Variants in CDC14B observed in about 807,000 individuals in gnomAD.
CDC14B encodes cell division cycle 14B.
CDC14B carries 22 observed loss-of-function variants against 64.2 expected under a neutral mutation model. The ratio of observed to expected loss-of-function variants is 0.34; its 90% confidence interval spans 0.24 to 0.49. The LOEUF is 0.49. CDC14B is among the 20% of genes least tolerant of loss of function. CDC14B has a pLI of 0.99. For synonymous variants in CDC14B, 191 were observed against 215.8 expected (o/e 0.89, Z 1.01); for missense variants, 498 against 629.9 (o/e 0.79, Z 2.24).
intron 13 of CDC14B, chr9:96,493,332 C>CA (rs1296823198): frequency 2.6e-5 from 4 of 152,392 alleles, no homozygotes; most frequent in African/African-American, 9.7e-5. Context: ...GACCGTGGCC[C>CA]ATGTGAACAG....
At chr9:96,550,329 T>C (rs931270959) in intron 5 of CDC14B, among the ~76,000 whole-genome samples, 12 of 152,238 alleles carry the variant, frequency 7.9e-5, no homozygotes, top group Non-Finnish European at 1.5e-5. Flanking sequence ...TTTCACAATT[T>C]TTCATGCAGC....
chr9:96,510,181 A>G (rs889232062), intron 12 of CDC14B, among the ~76,000 whole-genome samples: 2 of 152,342 alleles, frequency 1.3e-5, no homozygotes, highest in Admixed American at 6.5e-5. Context: ...ATAGGAACAT[A>G]AATTTAGGAA....
At chr9:96,579,788 G>A (rs774415487) in intron 1 of CDC14B, among the ~76,000 whole-genome samples, 1 of 152,066 alleles carries the variant, frequency 6.6e-6, no homozygotes, top group Admixed American at 6.6e-5. Flanking sequence ...TCTACACCAC[G>A]CAGACTATGC....
In CDC14B at chr9:96,501,630, G is replaced by A. The variant is rs1833566582; in HGVS notation, c.*2123C>T. On this transcript the variant is annotated 3_prime_UTR_variant, in exon 14 of 14. Transcript: ENST00000375241. ...CTTCACCAAATCACAAGTTTTCTAT[G>A]ACTAATTTCAGTGAACCAGTTAAAT... 6.6e-6 allele frequency: 1 copy of A among 152,560 alleles called. No homozygotes were observed. Among genetic ancestry groups the A allele is most frequent in the African/African-American group, 2.4e-5 (1 of 41,430 alleles). The allele number at this position is 152,560 out of a possible 1,614,324, so 9.5% of individuals were successfully genotyped here.
Position 96,515,024 on chromosome 9 carries a change from G to A in CDC14B, c.1344-5235C>T, listed in dbSNP as rs1835440077. The A allele has an allele frequency of 5.4e-6, 3 of 551,328 alleles. No homozygotes were observed. The highest frequency in any genetic ancestry group is 2.0e-5 in the African/African-American group (1 of 48,852). The allele number at this position is 551,328 out of a possible 1,614,324, so 34.2% of individuals were successfully genotyped here. On this transcript the variant is annotated intron_variant, in intron 12 of 13. Coordinates refer to ENST00000375241, the MANE Select transcript of CDC14B (RefSeq NM_033331.4). This position sits in a 1 kb window ranked among gnomAD's most constrained non-coding sequence, Gnocchi z 4.3. ...AATTTAAACAGGCGACCTCAGCTCC[G>A]ACCTCCTACTTTCATTTAGCATCAA...
downstream of CDC14B, chr9:96,496,454 ACTAG>A: frequency 2.3e-6 from 1 of 432,852 alleles, no homozygotes; most frequent in East Asian, 7.0e-5. Flanking sequence ...GACGGCAAGG[ACTAG>A]CTTCCTGGGC....
chr9:96,512,546 A>C, intron 12 of CDC14B, among the ~76,000 whole-genome samples: 1 of 152,078 alleles, frequency 6.6e-6, no homozygotes, highest in East Asian at 1.9e-4. Flanking sequence ...GCTATTCTCA[A>C]AATTCTGGCC....
intron 4 of CDC14B, among the ~76,000 whole-genome samples, chr9:96,552,873 G>A (rs189058358): frequency 6.6e-6 from 1 of 152,070 alleles, no homozygotes; most frequent in Admixed American, 6.5e-5. Context: ...ACTAAAATTA[G>A]GTTGAACTCC....
intron 1 of CDC14B, among the ~76,000 whole-genome samples, chr9:96,588,486 A>G (rs1845582822): frequency 6.6e-6 from 1 of 152,166 alleles, no homozygotes; most frequent in African/African-American, 2.4e-5. Flanking sequence ...TTAAATTTAT[A>G]GGGCTTTTCT....
At chr9:96,611,361 T>C (rs1247501690) in intron 1 of CDC14B, among the ~76,000 whole-genome samples, 4 of 152,214 alleles carry the variant, frequency 2.6e-5, no homozygotes, top group Non-Finnish European at 5.9e-5. Flanking sequence ...AACCAGTCTG[T>C]TTGTCTCTAA....
chr9:96,552,569 T>C (rs1010893742), intron 4 of CDC14B, among the ~76,000 whole-genome samples: 5 of 152,218 alleles, frequency 3.3e-5, no homozygotes, highest in Admixed American at 1.3e-4. Context: ...TTCCTCTTGA[T>C]AGTTTCTAGA....
At chr9:96,606,783 C>A (rs973962669) in intron 1 of CDC14B, among the ~76,000 whole-genome samples, 1 of 152,022 alleles carries the variant, frequency 6.6e-6, no homozygotes, top group Non-Finnish European at 1.5e-5. Flanking sequence ...TCAGACTGGT[C>A]TCGAACTCTC....
At chr9:96,591,007 C>A (rs899762163) in intron 1 of CDC14B, among the ~76,000 whole-genome samples, 35 of 152,238 alleles carry the variant, frequency 2.3e-4, no homozygotes, top group African/African-American at 7.7e-4. Flanking sequence ...TATATATTAG[C>A]CCCTTGTGCT....
chr9:96,601,606 G>A (rs1846460938), intron 1 of CDC14B, among the ~76,000 whole-genome samples: 1 of 149,900 alleles, frequency 6.7e-6, no homozygotes, highest in African/African-American at 2.5e-5. Flanking sequence ...ACCAGCCTGG[G>A]CAACATGGTG....
chr9:96,578,978 C>T (rs919738093), intron 1 of CDC14B, among the ~76,000 whole-genome samples: 3 of 151,102 alleles, frequency 2.0e-5, no homozygotes, highest in South Asian at 2.1e-4. Context: ...CCACCAAGCC[C>T]GGCTAATTTT....
chr9:96,517,662 A>AG (rs1554741214), intron 12 of CDC14B, among the ~76,000 whole-genome samples: 2 of 144,208 alleles, frequency 1.4e-5, no homozygotes, highest in East Asian at 2.0e-4. Context: ...AAAAAAAAAA[A>AG]AAGAAGAAGA....
chr9:96,512,597 T>G (rs769392023), intron 12 of CDC14B, among the ~76,000 whole-genome samples: 2 of 152,240 alleles, frequency 1.3e-5, no homozygotes, highest in Admixed American at 1.3e-4. Context: ...GTGTTGGGAT[T>G]TATAGGCATG....
chr9:96,573,872 G>A (rs1017397073), intron 1 of CDC14B, among the ~76,000 whole-genome samples: 2 of 152,174 alleles, frequency 1.3e-5, no homozygotes, highest in Non-Finnish European at 2.9e-5. Context: ...AGAAGGCCGG[G>A]TGCAGTGGCT....
chr9:96,579,540 C>T (rs1301114107), intron 1 of CDC14B, among the ~76,000 whole-genome samples: 1 of 151,018 alleles, frequency 6.6e-6, no homozygotes, highest in Non-Finnish European at 1.5e-5. Flanking sequence ...GAGCCAAAAT[C>T]ACGCAATGCA....
Sources: allele counts gnomAD v4.1 joint callset (sites outside exome capture counted in the v4.1 genomes callset), GRCh38; gene constraint gnomAD v4.1.1; non-coding constraint Gnocchi (gnomAD v3.1); transcripts MANE v1.5; gene names NCBI Gene and HGNC (gene_info 2026-07-23, HGNC 2026-07-21).